Variants in ENPP6 observed in about 807,000 individuals in gnomAD.
ENPP6 encodes ectonucleotide pyrophosphatase/phosphodiesterase 6, also known as glycerophosphocholine cholinephosphodiesterase ENPP6.
A neutral mutation model predicts 42.0 loss-of-function variants in ENPP6; 32 were observed. The observed-to-expected ratio is 0.76, with a 90% confidence interval of 0.58 to 1.02. ENPP6 has a LOEUF of 1.02. Ranked by LOEUF, ENPP6 falls within the 50% of genes least tolerant of loss-of-function variation. The pLI is 0.00. For missense variants in ENPP6, 552 were observed against 566.8 expected, an observed-to-expected ratio of 0.97 and a Z score of 0.27; for synonymous variants, 213 against 216.0, an observed-to-expected ratio of 0.99 and a Z score of 0.12.
At position 184,091,192 on chromosome 4, in the gene ENPP6, G is replaced by A. The variant is rs753760698; in HGVS notation, c.1308C>T (p.Leu436=). The A allele has an allele frequency of 1.3e-6, 2 of 1,563,270 alleles. No homozygotes were observed. The highest frequency in any genetic ancestry group is 8.7e-7 in the Non-Finnish European group (1 of 1,153,864). The part of the protein sequence containing the change: ...PSHCALALIL[L]FLLA ...ATATGATCAGTTATGCAAGCAGGAA[G>A]AGAAGAATCAGTGCCAGGGCACAGT... The change falls in exon 8 of 8, where the codon CTC becomes CTT. Residue 436 remains leucine, a synonymous_variant. Coordinates refer to ENST00000296741, the MANE Select transcript of ENPP6 (RefSeq NM_153343.4).
intron 1 of ENPP6, among the ~76,000 whole-genome samples, chr4:184,202,724 G>T (rs1302622246): frequency 6.6e-6 from 1 of 152,152 alleles, no homozygotes; most frequent in African/African-American, 2.4e-5. Flanking sequence ...TCGGAGGGGA[G>T]GTCATTCCTC....
At chr4:184,117,247 T>G (rs752561007) in intron 4 of ENPP6, among the ~76,000 whole-genome samples, 3 of 152,222 alleles carry the variant, frequency 2.0e-5, no homozygotes, top group Non-Finnish European at 2.9e-5. Context: ...CAATTCGTGC[T>G]GACACCTTAC....
At chr4:184,155,125 C>T (rs1030032301) in intron 1 of ENPP6, among the ~76,000 whole-genome samples, 3 of 152,124 alleles carry the variant, frequency 2.0e-5, no homozygotes, top group Non-Finnish European at 4.4e-5. Flanking sequence ...TTATGATGAC[C>T]CTCGCTCACC....
chr4:184,177,445 G>T (rs867071681), intron 1 of ENPP6, among the ~76,000 whole-genome samples: 6 of 152,176 alleles, frequency 3.9e-5, no homozygotes, highest in Admixed American at 6.5e-5. Flanking sequence ...TGCTGGCTCC[G>T]TGGAATCTGG....
intron 1 of ENPP6, among the ~76,000 whole-genome samples, chr4:184,172,652 G>T (rs902237924): frequency 3.3e-5 from 5 of 152,100 alleles, no homozygotes; most frequent in African/African-American, 1.2e-4. Context: ...ACTAATGTGG[G>T]TTTTTTTCTG....
At chr4:184,154,950 A>G (rs1324088283) in intron 1 of ENPP6, among the ~76,000 whole-genome samples, 1 of 152,214 alleles carries the variant, frequency 6.6e-6, no homozygotes, top group Non-Finnish European at 1.5e-5. Context: ...AGTCCTATGT[A>G]TTGTAGGCTG....
chr4:184,153,764 A>G, intron 1 of ENPP6, 31 bp from the exon 2 acceptor site: 1 of 1,601,098 alleles, frequency 6.2e-7, no homozygotes, highest in Non-Finnish European at 8.5e-7. Flanking sequence ...CTGTCAGTTT[A>G]CGGTTCTGGT....
intron 2 of ENPP6, among the ~76,000 whole-genome samples, chr4:184,137,771 C>T (rs1303926607): frequency 3.3e-5 from 5 of 152,204 alleles, no homozygotes; most frequent in African/African-American, 9.7e-5. Flanking sequence ...TTGGTGGGCC[C>T]TGAACTCCAA....
At chr4:184,208,596 C>A (rs531067523) in intron 1 of ENPP6, among the ~76,000 whole-genome samples, 1 of 151,354 alleles carries the variant, frequency 6.6e-6, no homozygotes, top group Non-Finnish European at 1.5e-5. Context: ...CCTACGCCCA[C>A]GGAGTCTCGC....
At chr4:184,102,243 C>A (rs1239184477) in intron 6 of ENPP6, among the ~76,000 whole-genome samples, 3 of 152,168 alleles carry the variant, frequency 2.0e-5, no homozygotes, top group Non-Finnish European at 4.4e-5. Context: ...GAGTGCTGAG[C>A]TGAGCTGTGC....
chr4:184,119,312 GGTGTGTGTGTGT>G (rs6148837), intron 3 of ENPP6, among the ~76,000 whole-genome samples: 43,696 of 143,646 alleles, frequency 0.3, 7,381 homozygotes, highest in Non-Finnish European at 0.39. Flanking sequence ...TCTGTTTCTT[GGTGTGTGTGTGT>G]GTGTGTGTGT....
chr4:184,200,779 C>T (rs1732882105), intron 1 of ENPP6, among the ~76,000 whole-genome samples: 1 of 152,216 alleles, frequency 6.6e-6, no homozygotes. Context: ...AAGGTGACTC[C>T]CGGGGGACCT....
chr4:184,091,732 C>T (rs1451114653), intron 7 of ENPP6, among the ~76,000 whole-genome samples: 1 of 152,042 alleles, frequency 6.6e-6, no homozygotes, highest in East Asian at 1.9e-4. Flanking sequence ...CAGAGCAAGA[C>T]ACTATCTCTA....
intron 1 of ENPP6, among the ~76,000 whole-genome samples, chr4:184,182,090 A>C (rs1732564431): frequency 1.3e-5 from 2 of 152,142 alleles, no homozygotes; most frequent in Admixed American, 6.5e-5. Context: ...AGAACAAGAG[A>C]AAATTTTTGC....
chr4:184,101,322 G>A (rs866997821), intron 6 of ENPP6, among the ~76,000 whole-genome samples: 2,563 of 144,292 alleles, frequency 0.018, 38 homozygotes, highest in African/African-American at 0.038. Context: ...GTGTGTGTGT[G>A]TGTGTGTGTG....
chr4:184,201,349 A>T (rs574960361), intron 1 of ENPP6, among the ~76,000 whole-genome samples: 1 of 152,236 alleles, frequency 6.6e-6, no homozygotes, highest in Admixed American at 6.5e-5. Flanking sequence ...GGGTCAAGCC[A>T]TCCCCAAAGC....
intron 1 of ENPP6, among the ~76,000 whole-genome samples, chr4:184,166,358 T>C (rs1457884998): frequency 6.6e-5 from 10 of 152,030 alleles, no homozygotes; most frequent in Non-Finnish European, 1.3e-4. Context: ...TTAGGAACAT[T>C]CACACTCATT....
At chr4:184,213,747 T>C (rs77187113) in intron 1 of ENPP6, among the ~76,000 whole-genome samples, 34,054 of 137,732 alleles carry the variant, frequency 0.25, 5,817 homozygotes, top group Non-Finnish European at 0.35. Context: ...TGGGTATATA[T>C]CCAAAGGACT....
chr4:184,102,346 A>G (rs1167306981), intron 6 of ENPP6, among the ~76,000 whole-genome samples: 1 of 152,202 alleles, frequency 6.6e-6, no homozygotes, highest in East Asian at 1.9e-4. Flanking sequence ...GGCGAGGAGC[A>G]CTGAGTGGTC....
Sources: allele counts gnomAD v4.1 joint callset (sites outside exome capture counted in the v4.1 genomes callset), GRCh38; gene constraint gnomAD v4.1.1; transcripts MANE v1.5; gene names NCBI Gene and HGNC (gene_info 2026-07-23, HGNC 2026-07-21).